The following AGAP2 variants were observed in gnomAD, a reference collection of about 807,000 sequenced individuals.
AGAP2 encodes the protein arf-GAP with GTPase, ANK repeat and PH domain-containing protein 2.
A neutral mutation model predicts 110.9 loss-of-function variants in AGAP2; 32 were observed. That is an observed-to-expected ratio of 0.29 (90% CI 0.22 to 0.39). AGAP2 has a LOEUF of 0.39. Among genes scored for constraint, AGAP2 ranks in the 10% least tolerant of loss-of-function variants. The pLI, the probability that AGAP2 is intolerant of heterozygous loss-of-function variation, is 1.00. For missense variants in AGAP2, 1,285 were observed against 1,638.5 expected (o/e 0.78, Z 3.72); for synonymous variants, 702 against 713.0 (o/e 0.98, Z 0.25).
Position 57,727,347 on chromosome 12 carries a change from C to A in AGAP2, c.3080+13G>T, listed in dbSNP as rs1413852339. The A allele has an allele frequency of 6.2e-7, 1 of 1,607,432 alleles. No homozygotes were observed. Among genetic ancestry groups the A allele is most frequent in the Non-Finnish European group, 8.5e-7 (1 of 1,177,332 alleles). On this transcript the variant is annotated intron_variant, in intron 17 of 18. Transcript: ENST00000547588. ...TCAGCAACCCTCCCCCCGCTCTGTT[C>A]CCTCACGCTTACCGCGAAGAGTCCC...
Position 57,738,268 on chromosome 12 carries a change from TG to T in AGAP2, c.-23del. Reference sequence around the variant, plus strand: ...TCATGGGGCCCGGAGACCCCCGAGCTGGGGAGGGGAGGGGACTCCCCCGGAC... The same window carrying T: ...TCATGGGGCCCGGAGACCCCCGAGCTGGGAGGGGAGGGGACTCCCCCGGAC... On this transcript the variant is annotated 5_prime_UTR_variant, in exon 1 of 19. Coordinates refer to ENST00000547588, the MANE Select transcript of AGAP2 (RefSeq NM_001122772.3). This position sits in a 1 kb window ranked among gnomAD's most constrained non-coding sequence, Gnocchi z 6.7. 6.7e-7 allele frequency: 1 copy of T among 1,494,110 alleles called. No individual in the cohort carries two copies. The highest frequency in any genetic ancestry group is 8.9e-7 in the Non-Finnish European group (1 of 1,126,726). 92.6% of individuals were successfully genotyped at this position (1,494,110 alleles called of 1,614,324 possible). A position where few individuals can be genotyped will look rare whatever the true frequency, so the allele number is the denominator to read the frequency against.
chr12:57,739,313 C>T (rs561658656), upstream of AGAP2, among the ~76,000 whole-genome samples: 1 of 152,242 alleles, frequency 6.6e-6, no homozygotes, highest in East Asian at 1.9e-4. Context: ...CCCCCAGGAT[C>T]TCTTGTCTCC....
chr12:57,737,585 A>G lies in AGAP2; in HGVS notation c.662T>C (p.Val221Ala). The change falls in exon 1 of 19, where the codon GTC (valine) becomes GCC (alanine). Residue 221 changes from valine (V) to alanine (A), a missense_variant. Val to Ala is a moderately conservative substitution (Grantham distance 64). Coordinates refer to ENST00000547588, the MANE Select transcript of AGAP2 (RefSeq NM_001122772.3). The surrounding 1 kb of genome is among the most constrained non-coding windows in gnomAD (Gnocchi z 5.9). ...CCCGGCGCTGCTCTTTGACCCCTTG[A>G]CCCTGGGCTTGCCCTCGCTTTCGGG... ...SWPESEGKPR[V>A]KGSKSSAGTG... 1.3e-6 allele frequency: 2 copies of G among 1,548,160 alleles called. No homozygotes were observed. The highest frequency in any genetic ancestry group is 1.7e-6 in the Non-Finnish European group (2 of 1,146,860).
chr12:57,741,002 A>G (rs73338231), upstream of AGAP2, among the ~76,000 whole-genome samples: 7,500 of 152,324 alleles, frequency 0.049, 566 homozygotes, highest in African/African-American at 0.16. Context: ...ATATGATGGA[A>G]GAAGTGTTTC....
At chr12:57,741,686 A>G (rs1955078121), upstream of AGAP2, among the ~76,000 whole-genome samples, 2 of 152,188 alleles carry the variant, frequency 1.3e-5, no homozygotes, top group Non-Finnish European at 2.9e-5. Context: ...GGTCAGCTCA[A>G]CAGGGACCTG....
At chr12:57,728,901 T>C (rs938409831) in intron 13 of AGAP2, among the ~76,000 whole-genome samples, 1 of 152,092 alleles carries the variant, frequency 6.6e-6, no homozygotes, top group African/African-American at 2.4e-5. Flanking sequence ...GACTCATGCC[T>C]GTAATCCCCA....
intron 2 of AGAP2, 40 bp from the exon 3 acceptor site, chr12:57,734,719 G>A (rs1954948609): frequency 1.9e-6 from 3 of 1,592,208 alleles, no homozygotes; most frequent in Middle Eastern, 1.7e-4. Flanking sequence ...TGGGATATAA[G>A]AGAAGGCAGG....
In AGAP2 at chr12:57,737,846, C is replaced by T. The variant is rs1955018493; in HGVS notation, c.401G>A (p.Gly134Glu). The T allele has an allele frequency of 2.7e-6, 4 of 1,468,444 alleles. No homozygotes were observed. Among genetic ancestry groups the T allele is most frequent in the Non-Finnish European group, 3.6e-6 (4 of 1,122,544 alleles). 91.0% of individuals were successfully genotyped at this position (1,468,444 alleles called of 1,614,324 possible). The part of the protein sequence containing the change: ...SGGLSPDPKP[G>E]GAPTSSRRPL... ...GCGCCGGGAGGAGGTGGGGGCGCCC[C>T]CAGGCTTGGGGTCGGGGCTCAGTCC... Residue 134 changes from glycine (G) to glutamate (E), a missense_variant, in exon 1 of 19, where the codon GGG becomes GAG. Gly to Glu is a moderately conservative substitution (Grantham distance 98). Coordinates refer to ENST00000547588, the MANE Select transcript of AGAP2 (RefSeq NM_001122772.3). The surrounding 1 kb of genome is among the most constrained non-coding windows in gnomAD (Gnocchi z 5.9).
rs768363714 is a variant in AGAP2, at chr12:57,737,762, C to T, written c.485G>A (p.Gly162Asp). Reference protein sequence around the residue: ...GPEPEGRAGGGIPGSSSPHPG... With the variant: ...GPEPEGRAGGDIPGSSSPHPG... ...GTGCGGAGAGGATGAGCCAGGGATG[C>T]CGCCGCCCGCCCGGCCTTCGGGCTC... Residue 162 changes from glycine (G) to aspartate (D), a missense_variant, in exon 1 of 19, where the codon GGC becomes GAC. By Grantham distance (94) the Gly-to-Asp change is moderately conservative. This residue lies in a region of AGAP2 where 844 missense variants were observed against 941.2 expected (regional missense o/e 0.90). Coordinates refer to ENST00000547588, the MANE Select transcript of AGAP2 (RefSeq NM_001122772.3). The surrounding 1 kb of genome is among the most constrained non-coding windows in gnomAD (Gnocchi z 5.9). 3.0e-4 allele frequency: 468 copies of T among 1,534,430 alleles called. No homozygotes were observed. The highest frequency in any genetic ancestry group is 3.8e-4 in the Non-Finnish European group (432 of 1,146,252).
chr12:57,728,441 A>G, intron 13 of AGAP2, 64 bp from the exon 14 acceptor site: 1 of 1,534,650 alleles, frequency 6.5e-7, no homozygotes. Context: ...AGAGAGACCA[A>G]GAAAGAAGGA....
Position 57,737,013 on chromosome 12 carries a change from C to G in AGAP2, c.1168+66G>C. The G allele has an allele frequency of 6.9e-7, 1 of 1,450,104 alleles. No individual in the cohort carries two copies. Among genetic ancestry groups the G allele is most frequent in the Non-Finnish European group, 9.1e-7 (1 of 1,099,738 alleles). The allele number at this position is 1,450,104 out of a possible 1,614,324, so 89.8% of individuals were successfully genotyped here. ...TTCCCTAGTTTCCTGGACCTCGCTC[C>G]TCCACCCCAAGCTGAGCATTCCAGG... On this transcript the variant is annotated intron_variant, in intron 1 of 18. Transcript: ENST00000547588. The surrounding 1 kb of genome is among the most constrained non-coding windows in gnomAD (Gnocchi z 5.9).
intron 11 of AGAP2, 83 bp from the exon 12 acceptor site, chr12:57,730,697 C>T (rs1954868397): frequency 6.2e-7 from 1 of 1,606,328 alleles, no homozygotes; most frequent in Non-Finnish European, 8.5e-7. Flanking sequence ...ACCCAGCTTC[C>T]TACTCGCCCA....
chr12:57,738,891 C>A (rs905906368), upstream of AGAP2, among the ~76,000 whole-genome samples: 2 of 151,896 alleles, frequency 1.3e-5, no homozygotes, highest in African/African-American at 2.4e-5. This position sits in a 1 kb window ranked among gnomAD's most constrained non-coding sequence, Gnocchi z 6.7. Flanking sequence ...GAGATCCGGG[C>A]GAAGAGTCCG....
chr12:57,735,417 G>A lies in AGAP2; in HGVS notation c.1179C>T (p.Ile393=). The A allele has an allele frequency of 6.2e-7, 1 of 1,613,736 alleles. No individual in the cohort carries two copies. The highest frequency in any genetic ancestry group is 8.5e-7 in the Non-Finnish European group (1 of 1,179,910). ...GGCTCAAAGTCCATTCCTGGCTATT[G>A]ATCACAGCCTCTGTAACGGGAGAAG... ...AELRASPKAV[I]NSQEWTLSRS... Residue 393 remains isoleucine, a synonymous_variant, in exon 2 of 19, where the codon ATC becomes ATT. Coordinates refer to ENST00000547588, the MANE Select transcript of AGAP2 (RefSeq NM_001122772.3).
chr12:57,741,481 G>T (rs972472009), upstream of AGAP2, among the ~76,000 whole-genome samples: 5 of 152,128 alleles, frequency 3.3e-5, no homozygotes, highest in Non-Finnish European at 7.4e-5. Flanking sequence ...GTGTGTGCAT[G>T]TGTTTCTCTC....
In AGAP2 at chr12:57,737,079, T is replaced by C. The variant is rs756529290; in HGVS notation, c.1168A>G (p.Lys390Glu). 1.7e-5 allele frequency: 26 copies of C among 1,527,138 alleles called. No homozygotes were observed. The highest frequency in any genetic ancestry group is 2.2e-5 in the Non-Finnish European group (25 of 1,137,728). 94.6% of individuals were successfully genotyped at this position (1,527,138 alleles called of 1,614,324 possible). Residue 390 changes from lysine (K) to glutamate (E), a missense_variant and splice_region_variant, in exon 1 of 19, where the codon AAG becomes GAG. By Grantham distance (56) the Lys-to-Glu change is moderately conservative (BLOSUM62 1). Transcript: ENST00000547588. The surrounding 1 kb of genome is among the most constrained non-coding windows in gnomAD (Gnocchi z 5.9). ...GTTCTCAAGCCCTGACTCAACTCAC[T>C]AGGGGAAGCGCGGAGCTCGGCGCCC... ...LLGAELRASP[K>E]AVINSQEWTL...
chr12:57,734,263 C>T, intron 4 of AGAP2, 56 bp downstream of exon 4: 2 of 1,613,200 alleles, frequency 1.2e-6, no homozygotes, highest in Non-Finnish European at 8.5e-7. Context: ...CCAGAGCCCT[C>T]TCCTTTGGCC....
At position 57,730,478 on chromosome 12, in the gene AGAP2, A is replaced by G; in HGVS notation, c.2428+17T>C. The stretch of plus-strand genomic sequence containing the variant: ...TTGGGTGTGGAAGACAGCAGATGGA[A>G]GGTCATCCCCACTGACCCGTGCTGA... On this transcript the variant is annotated intron_variant, in intron 12 of 18. Coordinates refer to ENST00000547588, the MANE Select transcript of AGAP2 (RefSeq NM_001122772.3). The G allele has an allele frequency of 1.9e-6, 3 of 1,613,066 alleles. No individual in the cohort carries two copies. Among genetic ancestry groups the G allele is most frequent in the Non-Finnish European group, 2.5e-6 (3 of 1,179,740 alleles).
chr12:57,726,948 C>A lies in AGAP2; in HGVS notation c.3336+26G>T, dbSNP rs1248173534. Reference sequence around the variant, plus strand: ...TTTCCGAGATGAAGCCTCAAAGACCCCCTTTCCTCCCCCCAGCTCACGTAC... The same window carrying A: ...TTTCCGAGATGAAGCCTCAAAGACCACCTTTCCTCCCCCCAGCTCACGTAC... On this transcript the variant is annotated intron_variant, in intron 18 of 18. Transcript: ENST00000547588. The surrounding 1 kb of genome is among the most constrained non-coding windows in gnomAD (Gnocchi z 5.7). The A allele has an allele frequency of 1.3e-6, 2 of 1,516,290 alleles. No homozygotes were observed. Among genetic ancestry groups the A allele is most frequent in the Non-Finnish European group, 1.8e-6 (2 of 1,136,644 alleles). The allele number at this position is 1,516,290 out of a possible 1,614,324, so 93.9% of individuals were successfully genotyped here.
Sources: allele counts gnomAD v4.1 joint callset (sites outside exome capture counted in the v4.1 genomes callset), GRCh38; gene constraint gnomAD v4.1.1; regional missense constraint gnomAD v4.1.1; non-coding constraint Gnocchi (gnomAD v3.1); transcripts MANE v1.5; gene names NCBI Gene and HGNC (gene_info 2026-07-23, HGNC 2026-07-21).